LRRC31: variants seen among roughly 807,000 people sequenced by gnomAD.
LRRC31 encodes the protein leucine rich repeat containing 31, also known as leucine-rich repeat-containing protein 31.
LRRC31 carries 35 observed loss-of-function variants against 46.7 expected under a neutral mutation model. The observed-to-expected ratio is 0.75, with a 90% confidence interval of 0.57 to 0.99. LRRC31 has a LOEUF of 0.99. Ranked by LOEUF, LRRC31 falls within the 50% of genes least tolerant of loss-of-function variation. The pLI, the probability that LRRC31 is intolerant of heterozygous loss-of-function variation, is 0.00. For missense variants in LRRC31, 613 were observed against 626.1 expected, an observed-to-expected ratio of 0.98 and a Z score of 0.22; for synonymous variants, 236 against 235.1, an observed-to-expected ratio of 1.00 and a Z score of -0.03.
intron 8 of LRRC31, among the ~76,000 whole-genome samples, chr3:169,843,235 G>A (rs1780504509): frequency 6.6e-6 from 1 of 152,148 alleles, no homozygotes; most frequent in Admixed American, 6.5e-5. Flanking sequence ...GAAAATGAGG[G>A]GCCATGTATC....
At chr3:169,858,910 G>T (rs1461204161) in intron 3 of LRRC31, among the ~76,000 whole-genome samples, 3 of 149,924 alleles carry the variant, frequency 2.0e-5, no homozygotes, top group Non-Finnish European at 4.4e-5. Context: ...GGAGGCTGAG[G>T]CAGGAGAATC....
chr3:169,853,155 C>G lies in LRRC31; in HGVS notation c.992-1369G>C, dbSNP rs1426091087. ...CCTGCCCTTGCCATACCGAAGCTCC[C>G]TGAGAGTTGGGATTTTCTGTAGCCC... On this transcript the variant is annotated intron_variant, in intron 6 of 8. Transcript: ENST00000316428. 5 of 938,576 alleles carry G rather than the reference C, an allele frequency of 5.3e-6. No homozygotes were observed. The Admixed American group carries it at 3.1e-4, about 58-fold the overall frequency. 58.1% of individuals were successfully genotyped at this position (938,576 alleles called of 1,614,324 possible). A position where few individuals can be genotyped will look rare whatever the true frequency, so the allele number is the denominator to read the frequency against.
chr3:169,860,224 T>C (rs533607789), intron 3 of LRRC31, among the ~76,000 whole-genome samples: 9 of 152,052 alleles, frequency 5.9e-5, no homozygotes, highest in Admixed American at 2.6e-4. Context: ...TTTTTTTCTT[T>C]TCTTTTCTTT....
chr3:169,863,350 T>C (rs1040085967), intron 1 of LRRC31, among the ~76,000 whole-genome samples: 10 of 152,232 alleles, frequency 6.6e-5, no homozygotes, highest in Non-Finnish European at 1.5e-5. Context: ...AGTTCTGGAA[T>C]GAGCAGTAAT....
intron 1 of LRRC31, among the ~76,000 whole-genome samples, chr3:169,863,137 C>G (rs1166994449): frequency 6.6e-6 from 1 of 151,530 alleles, no homozygotes; most frequent in Non-Finnish European, 1.5e-5. Context: ...ACCTACCCGG[C>G]CTCCCAAAGT....
At chr3:169,840,518 C>CT (rs1780416592) in intron 8 of LRRC31, among the ~76,000 whole-genome samples, 1 of 152,074 alleles carries the variant, frequency 6.6e-6, no homozygotes, top group East Asian at 1.9e-4. Context: ...TTTTTTATTT[C>CT]TTTTTCCAAA....
chr3:169,852,402 CAAAAAAAAAAA>C (rs11344242), intron 6 of LRRC31, among the ~76,000 whole-genome samples: 5 of 88,486 alleles, frequency 5.7e-5, no homozygotes, highest in East Asian at 2.4e-4. Flanking sequence ...GACTCCGTCT[CAAAAAAAAAAA>C]AAAAAAAAAA....
chr3:169,848,059 T>TG, intron 8 of LRRC31, 61 bp downstream of exon 8: 1 of 1,520,050 alleles, frequency 6.6e-7, no homozygotes, highest in East Asian at 2.3e-5. Flanking sequence ...CCTGGTGCTT[T>TG]GCAGGGGCCG....
At chr3:169,840,347 C>G in intron 8 of LRRC31, 34 bp from the exon 9 acceptor site, 1 of 1,603,566 alleles carries the variant, frequency 6.2e-7, no homozygotes, top group Non-Finnish European at 8.5e-7. Context: ...TGCTAACATA[C>G]AAGAATACTG....
chr3:169,856,135 A>G (rs1212239668), intron 5 of LRRC31, among the ~76,000 whole-genome samples: 1 of 152,038 alleles, frequency 6.6e-6, no homozygotes, highest in Non-Finnish European at 1.5e-5. Context: ...CGCCTGCCTC[A>G]GCCTCCCAAA....
chr3:169,862,892 T>G (rs1158005668), intron 1 of LRRC31, among the ~76,000 whole-genome samples: 2 of 151,260 alleles, frequency 1.3e-5, no homozygotes, highest in Non-Finnish European at 2.9e-5. Flanking sequence ...CTTTTTTTTT[T>G]TGTTGGGGGG....
At chr3:169,863,386 G>A (rs1781233302) in intron 1 of LRRC31, among the ~76,000 whole-genome samples, 1 of 152,188 alleles carries the variant, frequency 6.6e-6, no homozygotes, top group Non-Finnish European at 1.5e-5. Flanking sequence ...ACAAAAAGGT[G>A]TAAGACAACA....
At chr3:169,855,727 C>T (rs1429283101) in intron 5 of LRRC31, among the ~76,000 whole-genome samples, 1 of 152,128 alleles carries the variant, frequency 6.6e-6, no homozygotes, top group Non-Finnish European at 1.5e-5. Flanking sequence ...ATAATGCTGA[C>T]ACTTTCAAAA....
chr3:169,841,206 C>T (rs1317302658), intron 8 of LRRC31, among the ~76,000 whole-genome samples: 1 of 152,208 alleles, frequency 6.6e-6, no homozygotes, highest in African/African-American at 2.4e-5. Flanking sequence ...CCCACAGGGC[C>T]CCAATCTATC....
intron 7 of LRRC31, among the ~76,000 whole-genome samples, chr3:169,850,320 CTCAGCTCG>C (rs1780719357): frequency 6.6e-6 from 1 of 152,174 alleles, no homozygotes; most frequent in Admixed American, 6.5e-5. Flanking sequence ...GAGTATTTTG[CTCAGCTCG>C]CATAGACTTG....
chr3:169,864,386 T>C (rs1781266758), intron 1 of LRRC31, among the ~76,000 whole-genome samples: 1 of 152,240 alleles, frequency 6.6e-6, no homozygotes, highest in African/African-American at 2.4e-5. Context: ...CTGGGTGCTC[T>C]GTCATGTTTG....
intron 7 of LRRC31, 99 bp from the exon 8 acceptor site, chr3:169,848,386 A>G (rs1290059933): frequency 9.3e-7 from 1 of 1,080,814 alleles, no homozygotes; most frequent in Non-Finnish European, 1.3e-6. Context: ...ACATGAATAT[A>G]ACTGGGGTTG....
chr3:169,851,922 C>A, intron 6 of LRRC31, 136 bp from the exon 7 acceptor site: 1 of 758,052 alleles, frequency 1.3e-6, no homozygotes, highest in Non-Finnish European at 2.1e-6. Context: ...CTTTATACAC[C>A]CCAAACCAGC....
chr3:169,840,542 A>AT (rs920054202), intron 8 of LRRC31, among the ~76,000 whole-genome samples: 4 of 151,636 alleles, frequency 2.6e-5, no homozygotes, highest in East Asian at 3.9e-4. Context: ...CAACCCAATA[A>AT]TTTTTTTTTG....
Sources: allele counts gnomAD v4.1 joint callset (sites outside exome capture counted in the v4.1 genomes callset), GRCh38; gene constraint gnomAD v4.1.1; transcripts MANE v1.5; gene names NCBI Gene and HGNC (gene_info 2026-07-23, HGNC 2026-07-21).